Variants in TRPC7 observed in about 807,000 individuals in gnomAD.
The protein encoded by TRPC7 is short transient receptor potential channel 7.
A neutral mutation model predicts 90.1 loss-of-function variants in TRPC7; 42 were observed. The observed-to-expected ratio is 0.47, with a 90% CI of 0.36 to 0.60. The LOEUF (loss-of-function observed/expected upper bound fraction) is 0.60. TRPC7 is among the 20% of genes least tolerant of loss of function. TRPC7 has a pLI of 0.00. For synonymous variants in TRPC7, 451 were observed against 436.3 expected, an observed-to-expected ratio of 1.03 and a Z score of -0.42; for missense variants, 955 against 1,112.3, an observed-to-expected ratio of 0.86 and a Z score of 2.01.
rs1306693473 is a variant in TRPC7, at chr5:136,356,949, G to A, written c.439C>T (p.Arg147Cys). The change falls in exon 2 of 12, where the codon CGC becomes TGC. Residue 147 changes from arginine to cysteine, a missense_variant. Arg to Cys is a radical substitution (Grantham distance 180, BLOSUM62 -3). Transcript: ENST00000513104. The part of the protein sequence containing the change: ...LTLSPLEQEL[R>C]DDDFYAYDED... Reference sequence around the variant, plus strand: ...TCGTAGGCATAGAAGTCGTCGTCGCGCAGCTCCTGTTCCAGCGGGCTGAGC... The same window carrying A: ...TCGTAGGCATAGAAGTCGTCGTCGCACAGCTCCTGTTCCAGCGGGCTGAGC... 1.2e-6 allele frequency: 2 copies of A among 1,612,740 alleles called. No homozygotes were observed. Among genetic ancestry groups the A allele is most frequent in the East Asian group, 2.2e-5 (1 of 44,852 alleles).
At chr5:136,234,836 T>G (rs550701046) in intron 7 of TRPC7, among the ~76,000 whole-genome samples, 74 of 152,356 alleles carry the variant, frequency 4.9e-4, no homozygotes, top group African/African-American at 1.6e-3. Context: ...AGACTAATTC[T>G]GTTGCTGTTT....
At chr5:136,364,286 A>G (rs1415322247) in intron 1 of TRPC7, among the ~76,000 whole-genome samples, 1 of 152,214 alleles carries the variant, frequency 6.6e-6, no homozygotes, top group African/African-American at 2.4e-5. Flanking sequence ...TAAGTTTAGG[A>G]GCAAGTGTTT....
chr5:136,322,986 T>A (rs2112673), intron 2 of TRPC7, among the ~76,000 whole-genome samples: 58,455 of 152,134 alleles, frequency 0.38, 11,606 homozygotes, highest in Middle Eastern at 0.49. Flanking sequence ...TGATGAAGTC[T>A]GATATGGTTT....
chr5:136,290,372 G>A (rs1299619707), intron 3 of TRPC7, among the ~76,000 whole-genome samples: 2 of 152,104 alleles, frequency 1.3e-5, no homozygotes, highest in African/African-American at 4.8e-5. Flanking sequence ...CGAACCAATG[G>A]CAAAGAAGTT....
At chr5:136,300,080 C>G (rs148951778) in intron 3 of TRPC7, among the ~76,000 whole-genome samples, 159 of 152,268 alleles carry the variant, frequency 1.0e-3, no homozygotes, top group African/African-American at 3.7e-3. Context: ...TTTCATGCAA[C>G]TACTTAGGTA....
rs1376840357 is a variant in TRPC7, at chr5:136,212,787, T to C, written c.*648A>G. Among the ~76,000 whole-genome samples the C allele has an allele frequency of 6.6e-6, 1 of 152,248 alleles. No individual in the cohort carries two copies. Among genetic ancestry groups the C allele is most frequent in the Non-Finnish European group, 1.5e-5 (1 of 68,042 alleles). On this transcript the variant is annotated 3_prime_UTR_variant, in exon 12 of 12. Transcript: ENST00000513104. ...TATTTCTTTCCATTTTAGGTAAAAA[T>C]AGTAAATACAAGATAATCTTAATAA...
intron 5 of TRPC7, among the ~76,000 whole-genome samples, chr5:136,261,014 C>T (rs150658393): frequency 3.3e-5 from 5 of 152,252 alleles, no homozygotes; most frequent in African/African-American, 7.2e-5. Context: ...CTAGCTGATA[C>T]GAGGCCTTCT....
intron 11 of TRPC7, among the ~76,000 whole-genome samples, chr5:136,215,822 C>CAA (rs567520289): frequency 0.017 from 2,007 of 115,200 alleles, 48 homozygotes; most frequent in African/African-American, 0.058. Context: ...GACTCCATCT[C>CAA]AAAAAAAAAA....
chr5:136,358,572 T>C (rs78482625), intron 1 of TRPC7, among the ~76,000 whole-genome samples: 3,851 of 152,226 alleles, frequency 0.025, 68 homozygotes, highest in African/African-American at 0.042. Context: ...ACAATGTAAG[T>C]TACCCAAACT....
chr5:136,308,581 GC>G (rs1176565936), intron 3 of TRPC7, among the ~76,000 whole-genome samples: 1 of 152,182 alleles, frequency 6.6e-6, no homozygotes, highest in Non-Finnish European at 1.5e-5. Flanking sequence ...TTGCTCACTG[GC>G]CCTGCCTGTG....
chr5:136,296,664 G>C (rs552240826), intron 3 of TRPC7, among the ~76,000 whole-genome samples: 1 of 152,096 alleles, frequency 6.6e-6, no homozygotes, highest in Non-Finnish European at 1.5e-5. Context: ...CTGTATGTAC[G>C]TAAATACATG....
At chr5:136,353,225 T>C (rs1298251247) in intron 2 of TRPC7, among the ~76,000 whole-genome samples, 1 of 152,208 alleles carries the variant, frequency 6.6e-6, no homozygotes, top group Non-Finnish European at 1.5e-5. Flanking sequence ...GACCTTGACA[T>C]TGGCTGCAAT....
At chr5:136,244,740 G>C (rs1372150924) in intron 7 of TRPC7, among the ~76,000 whole-genome samples, 2 of 152,176 alleles carry the variant, frequency 1.3e-5, no homozygotes, top group African/African-American at 2.4e-5. Context: ...AGCAGATCTA[G>C]AGCAAATTTG....
intron 5 of TRPC7, among the ~76,000 whole-genome samples, chr5:136,256,439 G>GAGACTACT (rs1386074095): frequency 1.1e-3 from 165 of 152,262 alleles, no homozygotes; most frequent in African/African-American, 3.9e-3. Flanking sequence ...CCCATAGAGA[G>GAGACTACT]AGACTACTGT....
intron 3 of TRPC7, among the ~76,000 whole-genome samples, chr5:136,313,014 G>T (rs1464966749): frequency 3.4e-5 from 4 of 115,968 alleles, no homozygotes; most frequent in Admixed American, 2.4e-4. Context: ...ACAGGGTCTT[G>T]CTATGTCCCC....
intron 5 of TRPC7, among the ~76,000 whole-genome samples, chr5:136,256,469 T>TAA (rs1431898766): frequency 6.6e-6 from 1 of 152,192 alleles, no homozygotes; most frequent in Non-Finnish European, 1.5e-5. Flanking sequence ...AGTGGATGTC[T>TAA]TTCCAGTGCC....
rs572573737 is a variant in TRPC7 at position 136,237,383 on chromosome 5, C to T, written c.1845-5834G>A. Among the ~76,000 whole-genome samples the T allele has an allele frequency of 6.6e-5, 10 of 152,318 alleles. No individual in the cohort carries two copies. The East Asian group carries it at 1.7e-3, about 26-fold the overall frequency. ...CCTGGGAACTCTTGGAGGGAAGAAG[C>T]TGTGTTTTCTTCATCTTCGAAACTG... On this transcript the variant is annotated intron_variant, in intron 7 of 11. Coordinates refer to ENST00000513104, the MANE Select transcript of TRPC7 (RefSeq NM_020389.3).
chr5:136,246,516 GA>G (rs1410219606), intron 7 of TRPC7, among the ~76,000 whole-genome samples: 1 of 152,148 alleles, frequency 6.6e-6, no homozygotes, highest in Non-Finnish European at 1.5e-5. Flanking sequence ...AGTCCCCCTG[GA>G]GAGGTCCATC....
At chr5:136,354,097 T>A (rs1499775) in intron 2 of TRPC7, among the ~76,000 whole-genome samples, 47,352 of 152,014 alleles carry the variant, frequency 0.31, 7,998 homozygotes, top group Admixed American at 0.42. Flanking sequence ...CTTGAATTTT[T>A]AAAAAACTTT....
Sources: gnomAD v4.1 joint callset for allele counts (sites outside exome capture counted in the v4.1 genomes callset) on GRCh38, gnomAD v4.1.1 for gene constraint, MANE v1.5 for transcripts, NCBI Gene and HGNC (gene_info 2026-07-23, HGNC 2026-07-21) for gene names.